ZBTB8A: variants seen among roughly 807,000 people sequenced by gnomAD.
The protein encoded by ZBTB8A is zinc finger and BTB domain containing 8A.
Under a neutral mutation model 37.8 loss-of-function variants are expected in ZBTB8A, and 19 were observed. The ratio of observed to expected loss-of-function variants is 0.50; its 90% CI spans 0.35 to 0.74. ZBTB8A has a LOEUF of 0.74. ZBTB8A is among the 30% of genes least tolerant of loss of function. ZBTB8A has a pLI of 0.01. For synonymous variants in ZBTB8A, 181 were observed against 185.2 expected (o/e 0.98, Z 0.19); for missense variants, 394 against 537.8 (o/e 0.73, Z 2.65).
Position 32,558,703 on chromosome 1 carries a change from C to T in ZBTB8A, c.-2+5163C>T, listed in dbSNP as rs958474594. On this transcript the variant is annotated intron_variant, in intron 2 of 4. Coordinates refer to ENST00000373510, the MANE Select transcript of ZBTB8A (RefSeq NM_001040441.3). ...TAGGCACTGGAGGAAAATAGTGGTA[C>T]TAATTCCCAAGAAAGGAGACACAGA... 2.6e-5 allele frequency among the ~76,000 whole-genome samples: 4 copies of T among 152,080 alleles called. 1 individual carries two copies. Among genetic ancestry groups the T allele is most frequent in the Non-Finnish European group, 4.4e-5 (3 of 68,024 alleles).
chr1:32,579,722 A>G (rs771399301), intron 2 of ZBTB8A, among the ~76,000 whole-genome samples: 3 of 152,084 alleles, frequency 2.0e-5, no homozygotes, highest in Non-Finnish European at 4.4e-5. Flanking sequence ...ACTTGGTTCC[A>G]TTCTCTCAGG....
chr1:32,591,050 T>C (rs1278930037), intron 2 of ZBTB8A, among the ~76,000 whole-genome samples: 2 of 150,262 alleles, frequency 1.3e-5, no homozygotes, highest in African/African-American at 4.9e-5. Flanking sequence ...TGTGCCATGA[T>C]GCCCAGCTAA....
chr1:32,550,276 C>T (rs933366949), intron 1 of ZBTB8A, among the ~76,000 whole-genome samples: 1 of 152,006 alleles, frequency 6.6e-6, no homozygotes, highest in Non-Finnish European at 1.5e-5. Flanking sequence ...AATAGCATTC[C>T]ATCAGCATGT....
chr1:32,599,445 G>A (rs910731440), intron 4 of ZBTB8A, among the ~76,000 whole-genome samples: 9 of 151,898 alleles, frequency 5.9e-5, no homozygotes, highest in African/African-American at 2.2e-4. Context: ...TATGCTGGGC[G>A]CGGTGCCTCA....
Position 32,593,474 on chromosome 1 carries a change from T to C in ZBTB8A, c.543T>C (p.Asn181=). ...GTATAATAAGTGGAAAATCTTGGAA[T>C]AAGTATAATTATCATCCAGCCTCCC... ...GTGIISGKSW[N]KYNYHPASQK... The change falls in exon 3 of 5, where the codon AAT becomes AAC. Residue 181 remains asparagine, a synonymous_variant. Coordinates refer to ENST00000373510, the MANE Select transcript of ZBTB8A (RefSeq NM_001040441.3). The C allele has an allele frequency of 6.2e-7, 1 of 1,614,048 alleles. No individual in the cohort carries two copies.
At position 32,593,351 on chromosome 1, in the gene ZBTB8A, C is replaced by T. The variant is rs767253393; in HGVS notation, c.420C>T (p.Ala140=). 1 of 1,614,078 alleles carries T rather than the reference C, an allele frequency of 6.2e-7. No individual in the cohort carries two copies. The highest frequency in any genetic ancestry group is 1.1e-5 in the South Asian group (1 of 91,076). Residue 140 remains alanine, a synonymous_variant, in exon 3 of 5, where the codon GCC becomes GCT. Transcript: ENST00000373510. ...ATTTCAGTCTCTCAGATAAAGATGCCAATTCTAATGGTGTAGAACGTTCCT... is the reference window on the plus strand; with the variant it reads ...ATTTCAGTCTCTCAGATAAAGATGCTAATTCTAATGGTGTAGAACGTTCCT... The part of the protein sequence containing the change: ...DRYFSLSDKD[A]NSNGVERSSF...
chr1:32,589,244 T>C (rs1644470541), intron 2 of ZBTB8A, among the ~76,000 whole-genome samples: 1 of 151,978 alleles, frequency 6.6e-6, no homozygotes, highest in South Asian at 2.1e-4. Context: ...GAAGTTTTTG[T>C]TGGCACATGT....
intron 2 of ZBTB8A, among the ~76,000 whole-genome samples, chr1:32,568,791 T>C (rs1644303912): frequency 1.3e-5 from 2 of 152,232 alleles, no homozygotes; most frequent in Admixed American, 1.3e-4. Context: ...TTCACATCAC[T>C]GCTTGTATCA....
Position 32,595,226 on chromosome 1 carries a change from A to G in ZBTB8A, c.993+3A>G, listed in dbSNP as rs1312973026. The G allele has an allele frequency of 1.3e-6, 2 of 1,597,300 alleles. No individual in the cohort carries two copies. Among genetic ancestry groups the G allele is most frequent in the East Asian group, 2.2e-5 (1 of 44,734 alleles). Reference sequence around the variant, plus strand: ...ATCTAAGTAGCCATTTTCGAACAGTATGTATGATTTTTTTTCATCGTTTTA... The same window carrying G: ...ATCTAAGTAGCCATTTTCGAACAGTGTGTATGATTTTTTTTCATCGTTTTA... On this transcript the variant is annotated splice_donor_region_variant and intron_variant, in intron 4 of 4. Coordinates refer to ENST00000373510, the MANE Select transcript of ZBTB8A (RefSeq NM_001040441.3).
intron 2 of ZBTB8A, among the ~76,000 whole-genome samples, chr1:32,585,690 G>A (rs915038090): frequency 2.0e-5 from 3 of 152,004 alleles, no homozygotes; most frequent in Admixed American, 6.6e-5. Context: ...TAGAAGGGTC[G>A]ACAGCATTTT....
intron 2 of ZBTB8A, among the ~76,000 whole-genome samples, chr1:32,577,900 G>C (rs556407969): frequency 6.6e-6 from 1 of 151,492 alleles, no homozygotes; most frequent in East Asian, 1.9e-4. Context: ...TGTATTTTTT[G>C]ATTTCTATAA....
intron 2 of ZBTB8A, among the ~76,000 whole-genome samples, chr1:32,576,292 GTATAT>G (rs1421501954): frequency 2.6e-5 from 4 of 152,132 alleles, no homozygotes; most frequent in Admixed American, 2.0e-4. Flanking sequence ...AACTTCTCAT[GTATAT>G]TATAAGAACC....
intron 2 of ZBTB8A, among the ~76,000 whole-genome samples, chr1:32,556,911 A>G (rs994939397): frequency 2.6e-5 from 4 of 152,022 alleles, no homozygotes; most frequent in African/African-American, 9.7e-5. Context: ...CAAGGTATAG[A>G]CCAATATATA....
chr1:32,555,737 T>G (rs1307182832), intron 2 of ZBTB8A, among the ~76,000 whole-genome samples: 2 of 152,160 alleles, frequency 1.3e-5, no homozygotes, highest in African/African-American at 2.4e-5. Context: ...AGTGTCCCTG[T>G]GAACTTCAGA....
intron 1 of ZBTB8A, among the ~76,000 whole-genome samples, chr1:32,550,403 G>A (rs1309030342): frequency 1.3e-5 from 2 of 152,086 alleles, no homozygotes; most frequent in Admixed American, 6.6e-5. Context: ...GATTGCTTGA[G>A]TCCAGGAGTT....
At chr1:32,586,254 G>A (rs1239036734) in intron 2 of ZBTB8A, among the ~76,000 whole-genome samples, 1 of 152,080 alleles carries the variant, frequency 6.6e-6, no homozygotes, top group Non-Finnish European at 1.5e-5. Context: ...GGGAGGCAGA[G>A]GCTGTGGTGA....
At chr1:32,583,410 G>T (rs1236845214) in intron 2 of ZBTB8A, among the ~76,000 whole-genome samples, 2 of 148,650 alleles carry the variant, frequency 1.3e-5, no homozygotes, top group Non-Finnish European at 3.0e-5. Context: ...GTCAGGTTAA[G>T]TGACTGAATC....
At chr1:32,570,185 G>C (rs1371855320) in intron 2 of ZBTB8A, among the ~76,000 whole-genome samples, 1 of 152,038 alleles carries the variant, frequency 6.6e-6, no homozygotes, top group Non-Finnish European at 1.5e-5. Flanking sequence ...TGATATCTTT[G>C]TCAAAAGCCA....
At position 32,555,214 on chromosome 1, in the gene ZBTB8A, C is replaced by A. The variant is rs371046816; in HGVS notation, c.-2+1674C>A. On this transcript the variant is annotated intron_variant, in intron 2 of 4. Transcript: ENST00000373510. ...ACCATCCTGGCTAACACGGTGAAAA[C>A]CTGTCTCTACTAGAAATAGAAAAAA... 4.6e-5 allele frequency among the ~76,000 whole-genome samples: 7 copies of A among 152,148 alleles called. No individual in the cohort carries two copies. In the East Asian group the frequency reaches 5.8e-4, roughly 13 times the overall value.
Sources: allele counts gnomAD v4.1 joint callset (sites outside exome capture counted in the v4.1 genomes callset), GRCh38; gene constraint gnomAD v4.1.1; transcripts MANE v1.5; gene names NCBI Gene and HGNC (gene_info 2026-07-23, HGNC 2026-07-21).